CDYL2: variants seen among roughly 807,000 people sequenced by gnomAD.
The protein encoded by CDYL2 is chromodomain Y like 2, also known as chromodomain Y-like protein 2.
A neutral mutation model predicts 49.4 loss-of-function variants in CDYL2; 23 were observed. The observed-to-expected ratio is 0.47, with a 90% CI of 0.34 to 0.66. The LOEUF is 0.66. Ranked by LOEUF, CDYL2 falls within the 30% of genes least tolerant of loss-of-function variation. The pLI is 0.01. For synonymous variants in CDYL2, 360 were observed against 268.8 expected, an observed-to-expected ratio of 1.34 and a Z score of -3.32; for missense variants, 678 against 656.4, an observed-to-expected ratio of 1.03 and a Z score of -0.36.
chr16:80,667,586 G>A (rs72806166), intron 2 of CDYL2, among the ~76,000 whole-genome samples: 2,673 of 152,180 alleles, frequency 0.018, 31 homozygotes, highest in Middle Eastern at 0.034. Flanking sequence ...GCAGTTATTT[G>A]TCTAAACAGT....
intron 2 of CDYL2, among the ~76,000 whole-genome samples, chr16:80,647,388 A>G (rs149202537): frequency 7.2e-5 from 11 of 152,344 alleles, no homozygotes; most frequent in African/African-American, 2.4e-4. Context: ...AAGACCCAGA[A>G]TAGCCAAAGC....
At chr16:80,619,182 A>C (rs1044235638) in intron 4 of CDYL2, among the ~76,000 whole-genome samples, 10 of 152,198 alleles carry the variant, frequency 6.6e-5, no homozygotes, top group Admixed American at 6.5e-4. Context: ...CTTATGAAAT[A>C]AGTTCTCTCT....
chr16:80,750,087 G>C (rs1257117071), intron 1 of CDYL2, among the ~76,000 whole-genome samples: 2 of 151,970 alleles, frequency 1.3e-5, no homozygotes, highest in Non-Finnish European at 2.9e-5. Flanking sequence ...GCCTGTTGTG[G>C]GGTGGGGGGA....
Position 80,769,193 on chromosome 16 carries a change from G to A in CDYL2, c.24+34957C>T, listed in dbSNP as rs191768663. Among the ~76,000 whole-genome samples the A allele has an allele frequency of 2.0e-3, 311 of 152,298 alleles. 5 individuals carry two copies. The highest frequency in any genetic ancestry group is 0.018 in the Admixed American group (268 of 15,292). On this transcript the variant is annotated intron_variant, in intron 1 of 6. Transcript: ENST00000570137. ...ATGAAAGAAATGGAGGAATTTCAGT[G>A]CTTAGGAGCACCTGCATTCTGGGAT...
At chr16:80,798,433 A>C (rs1478079742) in intron 1 of CDYL2, among the ~76,000 whole-genome samples, 1 of 151,586 alleles carries the variant, frequency 6.6e-6, no homozygotes, top group Non-Finnish European at 1.5e-5. Flanking sequence ...CCTCCTCCTC[A>C]GTCTACACAA....
At chr16:80,752,647 A>T (rs1372150844) in intron 1 of CDYL2, among the ~76,000 whole-genome samples, 1 of 152,234 alleles carries the variant, frequency 6.6e-6, no homozygotes, top group Admixed American at 6.5e-5. Context: ...CCCTATGGAA[A>T]TATCCTTATA....
chr16:80,716,226 T>C (rs1904793937), intron 1 of CDYL2, among the ~76,000 whole-genome samples: 1 of 152,248 alleles, frequency 6.6e-6, no homozygotes, highest in Admixed American at 6.5e-5. Flanking sequence ...ACACTAAGAT[T>C]CCTCATATAT....
intron 1 of CDYL2, among the ~76,000 whole-genome samples, chr16:80,777,316 C>G (rs1907119912): frequency 6.6e-6 from 1 of 151,270 alleles, no homozygotes; most frequent in Admixed American, 6.6e-5. Flanking sequence ...TGCATATTAT[C>G]TAGTTCATAA....
At chr16:80,676,638 C>A (rs1909754762) in intron 2 of CDYL2, among the ~76,000 whole-genome samples, 1 of 152,192 alleles carries the variant, frequency 6.6e-6, no homozygotes, top group Non-Finnish European at 1.5e-5. Context: ...GAGGAAGTAT[C>A]AAGGGAACTA....
intron 1 of CDYL2, among the ~76,000 whole-genome samples, chr16:80,745,456 T>C (rs73595144): frequency 1.3e-3 from 202 of 152,310 alleles, no homozygotes; most frequent in African/African-American, 4.6e-3. Context: ...TGACACTTAC[T>C]AGCTGTGTGG....
At chr16:80,758,986 G>C (rs1241425123) in intron 1 of CDYL2, among the ~76,000 whole-genome samples, 1 of 151,108 alleles carries the variant, frequency 6.6e-6, no homozygotes, top group Non-Finnish European at 1.5e-5. Flanking sequence ...AAAAATATCT[G>C]ACCCAGGAAA....
At chr16:80,688,629 G>A (rs1910292855) in intron 1 of CDYL2, among the ~76,000 whole-genome samples, 1 of 152,108 alleles carries the variant, frequency 6.6e-6, no homozygotes, top group Non-Finnish European at 1.5e-5. Context: ...AAAACTCAGG[G>A]GAAAGCTGGC....
At chr16:80,718,110 C>T (rs750603675) in intron 1 of CDYL2, among the ~76,000 whole-genome samples, 2 of 152,148 alleles carry the variant, frequency 1.3e-5, no homozygotes, top group East Asian at 1.9e-4. Context: ...AATCAGAGTC[C>T]AAAGGCCACA....
At chr16:80,666,331 C>T (rs1173301827) in intron 2 of CDYL2, among the ~76,000 whole-genome samples, 1 of 152,098 alleles carries the variant, frequency 6.6e-6, no homozygotes, top group Non-Finnish European at 1.5e-5. Context: ...TTAAGAAGTC[C>T]ACCAATTTCA....
chr16:80,614,399 A>G (rs7500067), intron 4 of CDYL2, among the ~76,000 whole-genome samples: 36,855 of 152,202 alleles, frequency 0.24, 4,559 homozygotes, highest in Admixed American at 0.34. Context: ...TGATGGGCAC[A>G]GCAGTCTTGG....
chr16:80,727,084 G>A (rs1432635214), intron 1 of CDYL2, among the ~76,000 whole-genome samples: 1 of 152,302 alleles, frequency 6.6e-6, no homozygotes, highest in South Asian at 2.1e-4. Context: ...AGAAAAAAAA[G>A]TTCTGGGAGC....
intron 1 of CDYL2, among the ~76,000 whole-genome samples, chr16:80,724,387 T>C (rs1905100026): frequency 6.6e-6 from 1 of 152,132 alleles, no homozygotes. Flanking sequence ...TGTCTTAGCA[T>C]TGCTATCAGG....
intron 2 of CDYL2, among the ~76,000 whole-genome samples, chr16:80,677,495 T>G (rs966020634): frequency 1.3e-5 from 2 of 151,836 alleles, no homozygotes; most frequent in Admixed American, 6.5e-5. Context: ...TCCCAGCACT[T>G]TGGGAGGCTG....
intron 1 of CDYL2, among the ~76,000 whole-genome samples, chr16:80,692,238 T>A (rs150427919): frequency 2.0e-4 from 30 of 152,330 alleles, no homozygotes; most frequent in African/African-American, 6.7e-4. Context: ...TTTCTATCCA[T>A]GCAAAGCTTC....
Sources: allele counts gnomAD v4.1 joint callset (sites outside exome capture counted in the v4.1 genomes callset), GRCh38; gene constraint gnomAD v4.1.1; transcripts MANE v1.5; gene names NCBI Gene and HGNC (gene_info 2026-07-23, HGNC 2026-07-21).